The following ARID2 variants were observed in gnomAD, a reference collection of about 807,000 sequenced individuals.
ARID2 encodes AT-rich interactive domain-containing protein 2.
Under a neutral mutation model 184.6 loss-of-function variants are expected in ARID2, and 32 were observed. The ratio of observed to expected loss-of-function variants is 0.17; its 90% CI spans 0.13 to 0.23. The LOEUF (loss-of-function observed/expected upper bound fraction) is 0.23, where lower values mean the gene tolerates loss of function less well. Ranked by LOEUF, ARID2 falls within the 10% of genes least tolerant of loss-of-function variation. The probability of loss-of-function intolerance (pLI) is 1.00; values close to 1 mark genes in which losing one functional copy is unlikely to be tolerated. For synonymous variants in ARID2, 836 were observed against 772.6 expected (o/e 1.08, Z -1.36); for missense variants, 1,696 against 2,197.6 (o/e 0.77, Z 4.56).
At chr12:45,737,930 T>C (rs1386200065) in intron 3 of ARID2, among the ~76,000 whole-genome samples, 1 of 152,104 alleles carries the variant, frequency 6.6e-6, no homozygotes, top group African/African-American at 2.4e-5. Flanking sequence ...TAACAAGGGC[T>C]CCACTTTAGT....
intron 3 of ARID2, among the ~76,000 whole-genome samples, chr12:45,736,677 T>C (rs575811975): frequency 4.5e-4 from 69 of 152,282 alleles, no homozygotes; most frequent in Non-Finnish European, 8.2e-4. Context: ...CCACAGTCTT[T>C]GGTATTCAGG....
At chr12:45,831,621 C>T (rs995260635) in intron 6 of ARID2, among the ~76,000 whole-genome samples, 2 of 152,102 alleles carry the variant, frequency 1.3e-5, no homozygotes, top group African/African-American at 4.8e-5. Context: ...TTCATTCTGT[C>T]CAGCTATATT....
chr12:45,892,890 G>T (rs1592145134), intron 18 of ARID2, among the ~76,000 whole-genome samples: 1 of 152,184 alleles, frequency 6.6e-6, no homozygotes, highest in South Asian at 2.1e-4. Flanking sequence ...AACTAATAAT[G>T]AAATTTAAGA....
chr12:45,844,709 T>G (rs1322101526), intron 11 of ARID2, among the ~76,000 whole-genome samples: 9 of 152,228 alleles, frequency 5.9e-5, no homozygotes, highest in Non-Finnish European at 1.3e-4. Context: ...GCACATAATC[T>G]AATCCTTATA....
At position 45,851,718 on chromosome 12, in the gene ARID2, G is replaced by T; in HGVS notation, c.3595G>T (p.Ala1199Ser). ...AAATGCAACTCAGCTCATTGCTCCA[G>T]CAGGAATTACCATGAGCGGAACGCA... ...QGNATQLIAP[A>S]GITMSGTQTG... The change falls in exon 15 of 21, where the codon GCA becomes TCA. Residue 1199 changes from alanine to serine, a missense_variant. Physicochemically the swap from Ala to Ser is moderately conservative, Grantham distance 99. Transcript: ENST00000334344. 1.2e-6 allele frequency: 2 copies of T among 1,614,140 alleles called. No homozygotes were observed. Among genetic ancestry groups the T allele is most frequent in the Non-Finnish European group, 1.7e-6 (2 of 1,180,012 alleles).
intron 3 of ARID2, among the ~76,000 whole-genome samples, chr12:45,781,358 T>C (rs912084843): frequency 9.8e-4 from 2 of 2,044 alleles, no homozygotes; most frequent in African/African-American, 3.2e-3. Context: ...TTGTGGCCCA[T>C]TGAAATGAGG....
chr12:45,816,615 CCTGT>C (rs948573007), intron 4 of ARID2, among the ~76,000 whole-genome samples: 3 of 152,144 alleles, frequency 2.0e-5, no homozygotes, highest in East Asian at 1.9e-4. Context: ...CCGACAAAAT[CCTGT>C]CTATGTTTCT....
intron 10 of ARID2, 134 bp from the exon 11 acceptor site, chr12:45,839,195 A>G (rs1202897373): frequency 2.3e-6 from 2 of 888,828 alleles, no homozygotes; most frequent in African/African-American, 1.7e-5. Context: ...ATGCACAGGT[A>G]ATTCTGATGT....
rs140938755 is a variant in ARID2, at chr12:45,900,092, G to A, written c.5364-4842G>A. The stretch of plus-strand genomic sequence containing the variant: ...TTTTTATTTTTTGAGACAGAGTCTC[G>A]CTCTGTCACCCAGACTGGAGTTCCG... On this transcript the variant is annotated intron_variant, in intron 20 of 20. Coordinates refer to ENST00000334344, the MANE Select transcript of ARID2 (RefSeq NM_152641.4). Among the ~76,000 whole-genome samples the A allele has an allele frequency of 4.4e-4, 67 of 151,824 alleles. No homozygotes were observed. In the East Asian group the frequency reaches 0.011, roughly 24 times the overall value.
chr12:45,888,780 T>A (rs1178893530), intron 16 of ARID2, among the ~76,000 whole-genome samples: 2 of 152,226 alleles, frequency 1.3e-5, no homozygotes, highest in East Asian at 3.8e-4. Flanking sequence ...TGCCTGTGGT[T>A]GTACACATCA....
intron 3 of ARID2, among the ~76,000 whole-genome samples, chr12:45,782,542 G>A (rs1419629247): frequency 6.6e-6 from 1 of 152,180 alleles, no homozygotes; most frequent in African/African-American, 2.4e-5. Flanking sequence ...TGGGGCAGGA[G>A]AATCACTTGA....
chr12:45,738,395 A>G (rs922061354), intron 3 of ARID2, among the ~76,000 whole-genome samples: 4 of 151,918 alleles, frequency 2.6e-5, no homozygotes, highest in African/African-American at 9.7e-5. Context: ...GCTCACTGCA[A>G]CCTTCACCTC....
intron 3 of ARID2, among the ~76,000 whole-genome samples, chr12:45,788,769 C>T (rs1370283269): frequency 6.6e-6 from 1 of 152,182 alleles, no homozygotes; most frequent in Non-Finnish European, 1.5e-5. Flanking sequence ...ATTTCAAACT[C>T]TGTTCAAGAA....
intron 10 of ARID2, 78 bp from the exon 11 acceptor site, chr12:45,839,251 G>A (rs1417480355): frequency 1.5e-6 from 2 of 1,294,782 alleles, no homozygotes; most frequent in South Asian, 1.4e-5. Context: ...TAAGTATTCT[G>A]TACAACATGT....
intron 3 of ARID2, among the ~76,000 whole-genome samples, chr12:45,754,712 TA>T (rs1248981871): frequency 6.6e-6 from 1 of 152,216 alleles, no homozygotes; most frequent in Non-Finnish European, 1.5e-5. Context: ...AACACTACTA[TA>T]ACAACTTTTT....
At chr12:45,740,785 G>A (rs1452317580) in intron 3 of ARID2, among the ~76,000 whole-genome samples, 1 of 152,046 alleles carries the variant, frequency 6.6e-6, no homozygotes, top group African/African-American at 2.4e-5. Flanking sequence ...CAGCCTTTTT[G>A]TGTCTTTTGT....
At chr12:45,877,032 C>T (rs1459737244) in intron 16 of ARID2, among the ~76,000 whole-genome samples, 1 of 145,618 alleles carries the variant, frequency 6.9e-6, no homozygotes, top group Non-Finnish European at 1.5e-5. Context: ...ACAGAGCTTG[C>T]AGTGAGCCCA....
chr12:45,807,703 C>T (rs1360558695), intron 3 of ARID2, among the ~76,000 whole-genome samples: 2 of 152,114 alleles, frequency 1.3e-5, no homozygotes, highest in Admixed American at 1.3e-4. Flanking sequence ...AACATATAAT[C>T]TTAAATTTAT....
Position 45,821,429 on chromosome 12 carries a change from C to A in ARID2, c.647C>A (p.Ser216Tyr). ...NAGVFDDTLG[S>Y]FSTVFGEEWK... is the part of the protein sequence containing the mutation. Reference sequence around the variant, plus strand: ...TTTATTTGTTTTTTAGCTTTAGGATCCTTTTCCACTGTATTTGGAGAAGAA... The same window carrying A: ...TTTATTTGTTTTTTAGCTTTAGGATACTTTTCCACTGTATTTGGAGAAGAA... The change falls in exon 6 of 21, where the codon TCC becomes TAC. Residue 216 changes from serine to tyrosine, a missense_variant. Physicochemically the swap from Ser to Tyr is moderately radical, Grantham distance 144. Coordinates refer to ENST00000334344, the MANE Select transcript of ARID2 (RefSeq NM_152641.4). 1 of 1,515,702 alleles carries A rather than the reference C, an allele frequency of 6.6e-7. No individual in the cohort carries two copies. The allele number at this position is 1,515,702 out of a possible 1,614,324, so 93.9% of individuals were successfully genotyped here.
Sources: gnomAD v4.1 joint callset for allele counts (sites outside exome capture counted in the v4.1 genomes callset) on GRCh38, gnomAD v4.1.1 for gene constraint, MANE v1.5 for transcripts, NCBI Gene and HGNC (gene_info 2026-07-23, HGNC 2026-07-21) for gene names.